Variants in RABGEF1 observed in about 807,000 individuals in gnomAD.
RABGEF1 encodes RAB guanine nucleotide exchange factor 1, also known as rab5 GDP/GTP exchange factor.
Under a neutral mutation model 57.3 loss-of-function variants are expected in RABGEF1, and 26 were observed. That is an observed-to-expected ratio of 0.45 (90% CI 0.33 to 0.63). RABGEF1 has a LOEUF of 0.63. Ranked by LOEUF, RABGEF1 falls within the 20% of genes least tolerant of loss-of-function variation. RABGEF1 has a pLI of 0.02. For missense variants in RABGEF1, 464 were observed against 607.6 expected (o/e 0.76, Z 2.48); for synonymous variants, 185 against 210.7 (o/e 0.88, Z 1.06).
chr7:66,705,484 A>AGAGAGAGAGAGAGAGAGAGAGAGG (rs1793919758), intron 1 of RABGEF1, among the ~76,000 whole-genome samples: 1 of 137,578 alleles, frequency 7.3e-6, no homozygotes, highest in Admixed American at 7.5e-5. Flanking sequence ...AGAGAGAGAG[A>AGAGAGAGAGAGAGAGAGAGAGAGG]GAGGAGGGGG....
intron 1 of RABGEF1, among the ~76,000 whole-genome samples, chr7:66,741,498 G>C (rs1485372810): frequency 2.6e-5 from 4 of 152,152 alleles, no homozygotes; most frequent in African/African-American, 9.7e-5. Flanking sequence ...TGGAGGCTAG[G>C]TCATAGGCAG....
chr7:66,732,724 G>GCT (rs371982698), intron 2 of RABGEF1, among the ~76,000 whole-genome samples: 4 of 151,360 alleles, frequency 2.6e-5, no homozygotes, highest in South Asian at 2.1e-4. Context: ...ACTCTCTCTC[G>GCT]CTCTCTCTCT....
chr7:66,701,684 T>G (rs992756629), intron 1 of RABGEF1, among the ~76,000 whole-genome samples: 1 of 152,084 alleles, frequency 6.6e-6, no homozygotes, highest in South Asian at 2.1e-4. Context: ...AATTTTTGTA[T>G]TTTTAGTAAA....
the RABGEF1 span, among the ~76,000 whole-genome samples, chr7:66,675,228 G>T: frequency 2.0e-5 from 3 of 152,014 alleles, no homozygotes; most frequent in Admixed American, 6.6e-5. Context: ...GTCTGGTTTC[G>T]AGACCAGCCT....
In RABGEF1 at chr7:66,727,936, A is replaced by G. The variant is rs149510525; in HGVS notation, c.-814-12060A>G. Among the ~76,000 whole-genome samples, 497 of 152,184 alleles carry G rather than the reference A, an allele frequency of 3.3e-3. 3 individuals carry two copies. Among genetic ancestry groups the G allele is most frequent in the Non-Finnish European group, 4.0e-3 (272 of 67,968 alleles). ...CACCATGCTGCCAACAAGACCCCCA[A>G]ACACCCTTGCCTCAGGCGTCTCCAC... On this transcript the variant is annotated intron_variant and NMD_transcript_variant, in intron 2 of 9. Transcript: ENST00000607882.
chr7:66,755,024 G>C (rs1286706670), intron 1 of RABGEF1, among the ~76,000 whole-genome samples: 1 of 152,108 alleles, frequency 6.6e-6, no homozygotes, highest in Non-Finnish European at 1.5e-5. Flanking sequence ...GCCAGGCACG[G>C]TGGCTCACAC....
intron 2 of RABGEF1, among the ~76,000 whole-genome samples, chr7:66,723,010 C>T (rs1419280628): frequency 6.6e-6 from 1 of 151,904 alleles, no homozygotes; most frequent in Non-Finnish European, 1.5e-5. Flanking sequence ...ACTCTGTCAC[C>T]CAGGCTGGCG....
intron 3 of RABGEF1, among the ~76,000 whole-genome samples, chr7:66,782,300 A>G (rs780303011): frequency 1.3e-5 from 2 of 152,158 alleles, no homozygotes; most frequent in Admixed American, 6.5e-5. Context: ...TCTCTTGCCC[A>G]TCTAGTTCCT....
chr7:66,685,530 A>G (rs1171471964), intron 1 of RABGEF1, among the ~76,000 whole-genome samples: 1 of 152,146 alleles, frequency 6.6e-6, no homozygotes. Flanking sequence ...ATGTATACTC[A>G]TTTCCTGGTT....
chr7:66,762,220 T>G (rs1804593499), intron 1 of RABGEF1, among the ~76,000 whole-genome samples: 1 of 152,288 alleles, frequency 6.6e-6, no homozygotes, highest in African/African-American at 2.4e-5. Flanking sequence ...AAGGTCTCTG[T>G]CCTCAGCAAA....
intron 1 of RABGEF1, among the ~76,000 whole-genome samples, chr7:66,756,393 T>C (rs1319259845): frequency 6.6e-6 from 1 of 152,226 alleles, no homozygotes; most frequent in Admixed American, 6.5e-5. Flanking sequence ...GAATTTTAAA[T>C]GCACATACCC....
chr7:66,668,057 C>T, the RABGEF1 span, among the ~76,000 whole-genome samples: 2 of 152,090 alleles, frequency 1.3e-5, no homozygotes, highest in Non-Finnish European at 2.9e-5. Context: ...CTTGGCCTCC[C>T]AAATTGCTAG....
intron 1 of RABGEF1, among the ~76,000 whole-genome samples, chr7:66,767,726 C>T (rs546982184): frequency 1.1e-4 from 16 of 152,196 alleles, no homozygotes; most frequent in Non-Finnish European, 2.2e-4. Flanking sequence ...CATGTGAGGA[C>T]ACAGGGAGAA....
the RABGEF1 span, among the ~76,000 whole-genome samples, chr7:66,672,869 G>A: frequency 3.3e-5 from 5 of 152,076 alleles, no homozygotes; most frequent in Non-Finnish European, 7.4e-5. Flanking sequence ...CCAATGCTGA[G>A]AAAACAAAGT....
chr7:66,675,359 G>C, the RABGEF1 span, among the ~76,000 whole-genome samples: 1 of 151,574 alleles, frequency 6.6e-6, no homozygotes, highest in East Asian at 1.9e-4. Context: ...GAACCTGGGA[G>C]GCGGAGGTTG....
rs1427793191 is a variant in RABGEF1, at chr7:66,733,573, C to T, written c.-814-6423C>T. Among the ~76,000 whole-genome samples the T allele has an allele frequency of 2.0e-5, 3 of 152,170 alleles. No homozygotes were observed. The East Asian group carries it at 5.8e-4, about 29-fold the overall frequency. ...ATTAGCTGGGCATTGCAGCGCATTC[C>T]TGTAATCCCAGCTACTCGGGAGGCT... On this transcript the variant is annotated intron_variant and NMD_transcript_variant, in intron 2 of 9. Coordinates refer to the RABGEF1 transcript ENST00000607882.
the RABGEF1 span, among the ~76,000 whole-genome samples, chr7:66,675,087 G>C: frequency 3.9e-5 from 6 of 152,042 alleles, no homozygotes; most frequent in Non-Finnish European, 8.8e-5. Context: ...GCCCTACTCT[G>C]TGCCAGCGAT....
chr7:66,663,784 G>C, the RABGEF1 span, among the ~76,000 whole-genome samples: 1 of 151,714 alleles, frequency 6.6e-6, no homozygotes, highest in Non-Finnish European at 1.5e-5. Flanking sequence ...AATAAAACTA[G>C]TGTGAATCGC....
intron 2 of RABGEF1, among the ~76,000 whole-genome samples, chr7:66,733,402 ATATAAAACCTCC>A (rs1398391666): frequency 6.6e-6 from 1 of 152,068 alleles, no homozygotes; most frequent in Non-Finnish European, 1.5e-5. Context: ...TTCTCCACCA[ATATAAAACCTCC>A]TAGGCCAGGC....
Sources: allele counts gnomAD v4.1 joint callset (sites outside exome capture counted in the v4.1 genomes callset), GRCh38; gene constraint gnomAD v4.1.1; transcripts MANE v1.5; gene names NCBI Gene and HGNC (gene_info 2026-07-23, HGNC 2026-07-21).